The following DHRSX variants were observed in gnomAD, a reference collection of about 807,000 sequenced individuals.
DHRSX encodes dehydrogenase/reductase X-linked.
In DHRSX, 31 loss-of-function variants were observed where a neutral mutation model predicts 34.0. That is an observed-to-expected ratio of 0.91 (90% CI 0.69 to 1.23). DHRSX has a LOEUF of 1.23. DHRSX is among the 50% of genes most tolerant of loss of function. The pLI, the probability that DHRSX is intolerant of heterozygous loss-of-function variation, is 0.00. For synonymous variants in DHRSX, 201 were observed against 183.8 expected (o/e 1.09, Z -0.76); for missense variants, 414 against 428.1 (o/e 0.97, Z 0.29).
intron 1 of DHRSX, among the ~76,000 whole-genome samples, chrX:2,466,610 A>G (rs2044499707): frequency 6.6e-6 from 1 of 152,148 alleles, no homozygotes. Flanking sequence ...AAAGAAGGGA[A>G]CAGCTGCAGG....
At chrX:2,378,529 T>A (rs2043167764) in intron 3 of DHRSX, among the ~76,000 whole-genome samples, 1 of 152,116 alleles carries the variant, frequency 6.6e-6, no homozygotes. Context: ...AGTAAAGATA[T>A]TTTCTCATCC....
intron 5 of DHRSX, among the ~76,000 whole-genome samples, chrX:2,256,764 C>T (rs747590959): frequency 2.4e-4 from 36 of 150,490 alleles, no homozygotes; most frequent in Non-Finnish European, 4.0e-4. Flanking sequence ...TTATATCAGG[C>T]AAAAGCCAAG....
chrX:2,256,695 C>T (rs1054902705), intron 5 of DHRSX, among the ~76,000 whole-genome samples: 6 of 151,950 alleles, frequency 3.9e-5, no homozygotes, highest in South Asian at 2.1e-4. Flanking sequence ...TTTACAAGAA[C>T]GCTAATTTTC....
chrX:2,321,015 C>T (rs2042304810), intron 3 of DHRSX, among the ~76,000 whole-genome samples: 1 of 152,102 alleles, frequency 6.6e-6, no homozygotes, highest in African/African-American at 2.4e-5. Flanking sequence ...CAGAGATTTG[C>T]AAACAATGAT....
chrX:2,458,181 A>G (rs28492052), intron 1 of DHRSX, among the ~76,000 whole-genome samples: 34,791 of 151,488 alleles, frequency 0.23, 4,466 homozygotes, highest in African/African-American at 0.32. Flanking sequence ...TCAAGAGACC[A>G]ACATCGTGTA....
At chrX:2,325,325 A>T (rs1253686391) in intron 3 of DHRSX, among the ~76,000 whole-genome samples, 2 of 151,896 alleles carry the variant, frequency 1.3e-5, no homozygotes, top group Admixed American at 6.6e-5. Flanking sequence ...TGGCGGCTCC[A>T]TCTTCCCGGC....
At chrX:2,493,867 G>C (rs745469856) in intron 1 of DHRSX, among the ~76,000 whole-genome samples, 27 of 152,222 alleles carry the variant, frequency 1.8e-4, no homozygotes, top group African/African-American at 6.0e-4. Flanking sequence ...AGCTACTCGG[G>C]AGGCTGAGGC....
chrX:2,364,110 A>G (rs1045030126), intron 3 of DHRSX, among the ~76,000 whole-genome samples: 2 of 152,156 alleles, frequency 1.3e-5, no homozygotes, highest in Non-Finnish European at 2.9e-5. Context: ...CCAGAGCCTC[A>G]GAGAGCATAC....
At chrX:2,265,086 G>A (rs1383190613) in intron 5 of DHRSX, among the ~76,000 whole-genome samples, 7 of 145,490 alleles carry the variant, frequency 4.8e-5, no homozygotes, top group Non-Finnish European at 9.1e-5. Context: ...GTATCCAGCA[G>A]ACGCAGGGAG....
intron 1 of DHRSX, among the ~76,000 whole-genome samples, chrX:2,427,807 T>G (rs919712957): frequency 1.3e-5 from 2 of 152,164 alleles, no homozygotes; most frequent in Non-Finnish European, 2.9e-5. Context: ...GTTAGGAGAT[T>G]ATTTTGTTCA....
At chrX:2,334,892 A>G (rs1477321164) in intron 3 of DHRSX, 1 of 152,120 alleles carries the variant, frequency 6.6e-6, no homozygotes, top group Admixed American at 6.6e-5. Flanking sequence ...TAATTTAGAA[A>G]GTTAAGTCCG....
At chrX:2,479,175 G>A (rs1223232032) in intron 1 of DHRSX, among the ~76,000 whole-genome samples, 6 of 144,732 alleles carry the variant, frequency 4.1e-5, no homozygotes, top group East Asian at 2.1e-4. Flanking sequence ...CACTGAAGAC[G>A]TTCCCTAAGC....
intron 3 of DHRSX, among the ~76,000 whole-genome samples, chrX:2,393,925 C>T (rs1373416612): frequency 6.6e-6 from 1 of 152,132 alleles, no homozygotes; most frequent in Admixed American, 6.5e-5. Flanking sequence ...ACACAGTGAC[C>T]TGCCCGTCTC....
At chrX:2,290,788 T>C (rs2041856325) in intron 4 of DHRSX, among the ~76,000 whole-genome samples, 1 of 152,204 alleles carries the variant, frequency 6.6e-6, no homozygotes, top group Non-Finnish European at 1.5e-5. Flanking sequence ...AGTTTGGAGA[T>C]GTCAATAACT....
intron 1 of DHRSX, among the ~76,000 whole-genome samples, chrX:2,464,775 A>T (rs761400658): frequency 6.9e-6 from 1 of 145,836 alleles, no homozygotes; most frequent in East Asian, 2.1e-4. Context: ...CCCTAAGCTT[A>T]CGGCTAAGGG....
intron 3 of DHRSX, among the ~76,000 whole-genome samples, chrX:2,367,265 C>T (rs1474551236): frequency 1.3e-5 from 2 of 151,760 alleles, no homozygotes; most frequent in African/African-American, 2.4e-5. Flanking sequence ...TGGTGAAATC[C>T]CGTCTCTACT....
chrX:2,305,418 G>T (rs77290253), intron 3 of DHRSX, among the ~76,000 whole-genome samples: 3 of 151,910 alleles, frequency 2.0e-5, no homozygotes, highest in Non-Finnish European at 2.9e-5. Context: ...CAACCATTGT[G>T]GAAGACACTG....
chrX:2,346,841 T>A (rs935802432), intron 3 of DHRSX, among the ~76,000 whole-genome samples: 4 of 151,764 alleles, frequency 2.6e-5, no homozygotes, highest in Admixed American at 2.0e-4. Context: ...GATGTTCCCC[T>A]CCCTGTGTCC....
intron 3 of DHRSX, among the ~76,000 whole-genome samples, chrX:2,358,220 C>A (rs2042881804): frequency 6.6e-6 from 1 of 152,218 alleles, no homozygotes; most frequent in East Asian, 1.9e-4. Context: ...AACAGACAAC[C>A]TACAGAATGA....
Sources: allele counts gnomAD v4.1 joint callset (sites outside exome capture counted in the v4.1 genomes callset), GRCh38; gene constraint gnomAD v4.1.1; transcripts MANE v1.5; gene names NCBI Gene and HGNC (gene_info 2026-07-23, HGNC 2026-07-21).